The following AGO3 variants were observed in gnomAD, a reference collection of about 807,000 sequenced individuals.
AGO3 encodes argonaute RISC catalytic component 3.
Under a neutral mutation model 105.5 loss-of-function variants are expected in AGO3, and 16 were observed. The observed-to-expected ratio is 0.15, with a 90% confidence interval of 0.10 to 0.23. The LOEUF (loss-of-function observed/expected upper bound fraction) is 0.23. AGO3 is among the 10% of genes least tolerant of loss of function. The pLI is 1.00. For synonymous variants in AGO3, 340 were observed against 367.3 expected (o/e 0.93, Z 0.85); for missense variants, 534 against 1,088.0 (o/e 0.49, Z 7.16).
In AGO3 at chr1:36,063,010, G is replaced by C. The variant is rs1002865206; in HGVS notation, c.*7265G>C. On this transcript the variant is annotated 3_prime_UTR_variant, in exon 19 of 19. Transcript: ENST00000373191. ...TTATATTTTGCTTGTCGGTTTTAAG[G>C]TATTTTATTTTTATAGATATTTCTA... is the stretch of plus-strand genomic sequence containing the variant. The C allele has an allele frequency of 6.6e-6, 1 of 152,048 alleles. No individual in the cohort carries two copies. 9.4% of individuals were successfully genotyped at this position (152,048 alleles called of 1,614,324 possible).
At chr1:35,944,319 G>A (rs1342518637) in intron 1 of AGO3, among the ~76,000 whole-genome samples, 1 of 151,836 alleles carries the variant, frequency 6.6e-6, no homozygotes, top group Admixed American at 6.6e-5. Flanking sequence ...TGAGTGTCTG[G>A]GATTACAGGC....
intron 11 of AGO3, among the ~76,000 whole-genome samples, chr1:36,026,564 A>G (rs1381582996): frequency 6.6e-6 from 1 of 152,240 alleles, no homozygotes; most frequent in Non-Finnish European, 1.5e-5. Context: ...AATGTCTATG[A>G]AACTATTTTC....
chr1:35,979,356 C>T (rs4351606), intron 5 of AGO3, among the ~76,000 whole-genome samples: 10,213 of 151,708 alleles, frequency 0.067, 404 homozygotes, highest in South Asian at 0.15. Context: ...GAATGAGACT[C>T]CTTCTCAGAA....
chr1:35,994,746 T>A (rs181032752), intron 5 of AGO3, among the ~76,000 whole-genome samples: 83 of 152,032 alleles, frequency 5.5e-4, no homozygotes, highest in Non-Finnish European at 9.0e-4. Context: ...GAAAAAAAAT[T>A]TAAGTGCCAT....
intron 2 of AGO3, among the ~76,000 whole-genome samples, chr1:35,954,243 A>G (rs902598282): frequency 7.9e-5 from 12 of 152,228 alleles, no homozygotes; most frequent in Non-Finnish European, 1.3e-4. Context: ...TTCACATCTC[A>G]AAATTCTTTT....
At chr1:35,991,779 T>C (rs1452818436) in intron 5 of AGO3, among the ~76,000 whole-genome samples, 1 of 152,124 alleles carries the variant, frequency 6.6e-6, no homozygotes, top group African/African-American at 2.4e-5. Context: ...ACAGATGCAG[T>C]ATCCTCTCTT....
intron 5 of AGO3, among the ~76,000 whole-genome samples, chr1:35,974,520 A>C (rs922507058): frequency 1.3e-5 from 2 of 152,130 alleles, no homozygotes; most frequent in Non-Finnish European, 2.9e-5. Flanking sequence ...GTTTCATTCC[A>C]TTCTGGTTCA....
intron 9 of AGO3, among the ~76,000 whole-genome samples, chr1:36,010,149 C>T (rs966956102): frequency 1.5e-4 from 23 of 151,788 alleles, no homozygotes; most frequent in Non-Finnish European, 7.4e-5. Context: ...CCATGTTAGC[C>T]AGGATGGTCT....
intron 5 of AGO3, among the ~76,000 whole-genome samples, chr1:35,995,234 A>ATATG (rs1355467132): frequency 6.9e-6 from 1 of 145,950 alleles, no homozygotes; most frequent in East Asian, 2.0e-4. Flanking sequence ...ATATATATAT[A>ATATG]TATTATATAA....
chr1:36,020,830 T>G (rs912583368), intron 11 of AGO3, among the ~76,000 whole-genome samples: 2 of 152,130 alleles, frequency 1.3e-5, no homozygotes, highest in African/African-American at 4.8e-5. Context: ...TTGGCCAGAC[T>G]AGTCTCGAAC....
At chr1:35,997,214 G>C (rs1253562097) in intron 5 of AGO3, among the ~76,000 whole-genome samples, 2 of 152,202 alleles carry the variant, frequency 1.3e-5, no homozygotes, top group Admixed American at 6.5e-5. Context: ...GGGAGGTGGA[G>C]GTTGGAGTGA....
chr1:36,010,627 G>T (rs190787482), intron 9 of AGO3, among the ~76,000 whole-genome samples: 3 of 151,562 alleles, frequency 2.0e-5, no homozygotes, highest in African/African-American at 7.2e-5. Context: ...GAAAAAGAAG[G>T]TCGGGTGCGG....
intron 17 of AGO3, among the ~76,000 whole-genome samples, chr1:36,053,210 G>A (rs544826634): frequency 2.6e-5 from 4 of 151,328 alleles, no homozygotes; most frequent in East Asian, 3.9e-4. Flanking sequence ...ATATTTCTCC[G>A]ATATATTTAA....
chr1:35,994,731 G>A (rs1309980149), intron 5 of AGO3, among the ~76,000 whole-genome samples: 2 of 151,862 alleles, frequency 1.3e-5, no homozygotes, highest in Admixed American at 1.3e-4. Context: ...TTCAACAATT[G>A]AAATGAAAAA....
intron 17 of AGO3, among the ~76,000 whole-genome samples, chr1:36,051,456 A>G (rs1292297763): frequency 6.6e-6 from 1 of 152,204 alleles, no homozygotes; most frequent in African/African-American, 2.4e-5. Context: ...CACATGGTAC[A>G]TGCCTGTAAT....
intron 12 of AGO3, among the ~76,000 whole-genome samples, chr1:36,031,469 T>C (rs1641771708): frequency 8.1e-6 from 1 of 124,138 alleles, no homozygotes; most frequent in Non-Finnish European, 1.9e-5. Context: ...AGAAACTCTT[T>C]ATTTCTCCTT....
chr1:36,053,467 G>A (rs1232467126), intron 17 of AGO3, among the ~76,000 whole-genome samples: 2 of 152,022 alleles, frequency 1.3e-5, no homozygotes, highest in African/African-American at 4.8e-5. Flanking sequence ...TTGTAGTAGA[G>A]AGGGGGTTTT....
intron 17 of AGO3, among the ~76,000 whole-genome samples, chr1:36,054,541 G>A (rs1310935374): frequency 6.6e-6 from 1 of 152,066 alleles, no homozygotes; most frequent in Non-Finnish European, 1.5e-5. Context: ...CTCCCAAAGT[G>A]CCAAACCTGT....
chr1:36,009,068 A>G, intron 8 of AGO3, 24 bp downstream of exon 8: 1 of 1,486,888 alleles, frequency 6.7e-7, no homozygotes, highest in Non-Finnish European at 8.8e-7. Flanking sequence ...ACTGCTAATT[A>G]ATACCCTGTT....
Sources: allele counts gnomAD v4.1 joint callset (sites outside exome capture counted in the v4.1 genomes callset), GRCh38; gene constraint gnomAD v4.1.1; transcripts MANE v1.5; gene names NCBI Gene and HGNC (gene_info 2026-07-23, HGNC 2026-07-21).